DNAH6: variants seen among roughly 807,000 people sequenced by gnomAD.
The protein encoded by DNAH6 is axonemal beta dynein heavy chain 6.
DNAH6 carries 340 observed loss-of-function variants against 491.4 expected under a neutral mutation model. The ratio of observed to expected loss-of-function variants is 0.69; its 90% CI spans 0.63 to 0.76. The LOEUF is 0.76. DNAH6 is among the 30% of genes least tolerant of loss of function. DNAH6 has a pLI of 0.00. For synonymous variants in DNAH6, 1,603 were observed against 1,686.1 expected (o/e 0.95, Z 1.21); for missense variants, 4,443 against 4,972.2 (o/e 0.89, Z 3.20).
Position 84,653,884 on chromosome 2 carries a change from C to G in DNAH6, c.5634+10C>G. ...TCACATGCTTTTTGAGGTAAGTGTA[C>G]ACATTACTGTGGAGTGAAATCATTC... On this transcript the variant is annotated intron_variant, in intron 34 of 76. Transcript: ENST00000389394. The G allele has an allele frequency of 3.9e-6, 6 of 1,535,926 alleles. No individual in the cohort carries two copies. The highest frequency in any genetic ancestry group is 5.3e-6 in the Non-Finnish European group (6 of 1,138,194).
chr2:84,592,848 A>G (rs916501851), intron 16 of DNAH6, among the ~76,000 whole-genome samples: 1 of 152,214 alleles, frequency 6.6e-6, no homozygotes, highest in East Asian at 1.9e-4. Context: ...CAAATACTGC[A>G]TGATCTCATT....
In DNAH6 at chr2:84,794,310, A is replaced by C. The variant is rs1409042894; in HGVS notation, c.11240-1996A>C. ...AAACACCAAAAGCAATGGCAAGAAAAGCCAAAATTGACAAATGGGATCTAA... is the reference window on the plus strand; with the variant it reads ...AAACACCAAAAGCAATGGCAAGAAACGCCAAAATTGACAAATGGGATCTAA... On this transcript the variant is annotated intron_variant, in intron 68 of 76. Coordinates refer to ENST00000389394, the MANE Select transcript of DNAH6 (RefSeq NM_001370.2). Among the ~76,000 whole-genome samples, 13 of 152,178 alleles carry C rather than the reference A, an allele frequency of 8.5e-5. No homozygotes were observed. The East Asian group carries it at 2.5e-3, about 29-fold the overall frequency.
intron 3 of DNAH6, among the ~76,000 whole-genome samples, chr2:84,528,542 A>G (rs1408541636): frequency 6.6e-6 from 1 of 152,098 alleles, no homozygotes; most frequent in African/African-American, 2.4e-5. Context: ...GGTTGGGAGG[A>G]GAGGTCCCAG....
chr2:84,710,345 C>G lies in DNAH6; in HGVS notation c.9311C>G (p.Thr3104Arg), dbSNP rs1179517230. ...AGTGGTTTAAAGATCATTAAGCTTA[C>G]AGATAGTAATTTCTTACGAATACTC... is the stretch of plus-strand genomic sequence containing the variant. ...SKSGLKIIKL[T>R]DSNFLRILEN... The change falls in exon 56 of 77, where the codon ACA (threonine) becomes AGA (arginine). Residue 3104 changes from threonine (T) to arginine (R), a missense_variant. Thr to Arg is a moderately conservative substitution (Grantham distance 71, BLOSUM62 -1). This residue lies in a region of DNAH6 where 1,463 missense variants were observed against 1,656.6 expected (regional missense o/e 0.88). Transcript: ENST00000389394. The G allele has an allele frequency of 6.4e-6, 10 of 1,551,750 alleles. No individual in the cohort carries two copies. Among genetic ancestry groups the G allele is most frequent in the Non-Finnish European group, 5.2e-6 (6 of 1,146,986 alleles).
intron 14 of DNAH6, among the ~76,000 whole-genome samples, chr2:84,582,464 T>C (rs1204042988): frequency 3.3e-5 from 5 of 152,184 alleles, no homozygotes; most frequent in Admixed American, 2.6e-4. Context: ...TTTGTTTTTT[T>C]CCTTTGAGAC....
At position 84,808,139 on chromosome 2, in the gene DNAH6, G is replaced by A. The variant is rs960431348; in HGVS notation, c.11612-276G>A. Among the ~76,000 whole-genome samples the A allele has an allele frequency of 1.7e-3, 243 of 145,340 alleles. 7 individuals carry two copies. The South Asian group carries it at 0.036, about 22-fold the overall frequency. On this transcript the variant is annotated intron_variant, in intron 71 of 76. Transcript: ENST00000389394. ...AAAAAAAGTGTATATATATGTGTGT[G>A]TGTGTGTGTGTGTGTGTGTGTGTGT...
chr2:84,518,182 C>G (rs1282576223), intron 2 of DNAH6, 131 bp downstream of exon 2: 1 of 661,260 alleles, frequency 1.5e-6, no homozygotes, highest in Admixed American at 3.1e-5. Flanking sequence ...ATAATAACTG[C>G]TTATGTAGTT....
chr2:84,619,759 A>G lies in DNAH6; in HGVS notation c.3647A>G (p.His1216Arg), dbSNP rs367551290. The G allele has an allele frequency of 6.4e-7, 1 of 1,551,664 alleles. No homozygotes were observed. Among genetic ancestry groups the G allele is most frequent in the East Asian group, 2.4e-5 (1 of 40,918 alleles). Residue 1216 changes from histidine (H) to arginine (R), a missense_variant, in exon 24 of 77, where the codon CAC becomes CGC. Physicochemically the swap from His to Arg is conservative, Grantham distance 29. Around this residue, in one of 3 missense-constraint regions of DNAH6, gnomAD observed 2,977 missense variants for 3,296.6 expected, o/e 0.90. Coordinates refer to ENST00000389394, the MANE Select transcript of DNAH6 (RefSeq NM_001370.2). ...CGAAATCCACAGGCCGTGCAGCCAC[A>G]CTTAAGGAAATGCTTCGACTCCATT... is the stretch of plus-strand genomic sequence containing the variant. ...QTRNPQAVQPHLRKCFDSISK... is the reference protein window; with the variant it reads ...QTRNPQAVQPRLRKCFDSISK...
the DNAH6 span, among the ~76,000 whole-genome samples, chr2:84,463,602 C>A: frequency 1.6e-4 from 24 of 152,144 alleles, no homozygotes; most frequent in African/African-American, 5.8e-4. Context: ...CTTCCCCCTA[C>A]CCCACCCTTC....
intron 21 of DNAH6, among the ~76,000 whole-genome samples, chr2:84,608,141 C>T (rs1282104773): frequency 2.0e-5 from 3 of 152,300 alleles, no homozygotes; most frequent in Admixed American, 6.5e-5. Context: ...GAGATTGCAG[C>T]AATTCAGTCG....
intron 52 of DNAH6, among the ~76,000 whole-genome samples, chr2:84,706,524 T>C (rs1196528226): frequency 3.3e-5 from 5 of 152,228 alleles, no homozygotes; most frequent in Non-Finnish European, 5.9e-5. Flanking sequence ...CAGGCCATAG[T>C]GTGCCGACCT....
In DNAH6 at chr2:84,619,695, T is replaced by C. The variant is rs186487111; in HGVS notation, c.3583T>C (p.Leu1195=). 5.7e-5 allele frequency: 88 copies of C among 1,551,364 alleles called. No individual in the cohort carries two copies. The highest frequency in any genetic ancestry group is 1.7e-6 in the Non-Finnish European group (2 of 1,146,642). ...TGTTCTTTAATCCAGGTTTTACTTCTTGTCAAATGATGAACTTCTGGAGAT... is the reference window on the plus strand; with the variant it reads ...TGTTCTTTAATCCAGGTTTTACTTCCTGTCAAATGATGAACTTCTGGAGAT... ...KRVIFPRFYF[L]SNDELLEILA... Residue 1195 remains leucine, a synonymous_variant, in exon 24 of 77, where the codon TTG becomes CTG. Transcript: ENST00000389394.
the DNAH6 span, among the ~76,000 whole-genome samples, chr2:84,480,757 G>A: frequency 2.6e-5 from 4 of 152,298 alleles, no homozygotes; most frequent in Non-Finnish European, 4.4e-5. Context: ...TAGGTCAGGA[G>A]TTCAAGACCA....
Position 84,699,726 on chromosome 2 carries a change from T to G in DNAH6, c.7810T>G (p.Phe2604Val). 6.4e-7 allele frequency: 1 copy of G among 1,550,942 alleles called. No individual in the cohort carries two copies. The highest frequency in any genetic ancestry group is 2.0e-5 in the Admixed American group (1 of 50,864). The change falls in exon 48 of 77, where the codon TTT becomes GTT. Residue 2604 changes from phenylalanine (F) to valine (V), a missense_variant. Coordinates refer to ENST00000389394, the MANE Select transcript of DNAH6 (RefSeq NM_001370.2). ...SLVNCCTIDW[F>V]VQWPREALLS... ...TGTGAATTGCTGCACCATTGACTGG[T>G]TTGTGCAGGTTGGTGACATCCCAGG...
intron 66 of DNAH6, 51 bp from the exon 67 acceptor site, chr2:84,785,559 G>A: frequency 1.4e-6 from 2 of 1,449,076 alleles, no homozygotes; most frequent in Non-Finnish European, 1.8e-6. Flanking sequence ...CAGAAATAAT[G>A]CAAATCTATA....
chr2:84,568,277 T>C (rs531597323), intron 11 of DNAH6, among the ~76,000 whole-genome samples: 1 of 152,220 alleles, frequency 6.6e-6, no homozygotes, highest in African/African-American at 2.4e-5. Context: ...ATACACACAT[T>C]CATTGCAGGA....
intron 15 of DNAH6, among the ~76,000 whole-genome samples, chr2:84,586,311 C>T (rs79248457): frequency 7.6e-4 from 116 of 152,348 alleles, no homozygotes; most frequent in Middle Eastern, 3.4e-3. Context: ...GAGTGTGCCA[C>T]TGGCTCCATG....
Position 84,654,792 on chromosome 2 carries a change from A to G in DNAH6, c.5757+10A>G. ...GGGTATTTCTAAAAAAGTAAGTGCC[A>G]TCAGATATTCCCCAATATCTCCATC... On this transcript the variant is annotated intron_variant, in intron 35 of 76. Coordinates refer to ENST00000389394, the MANE Select transcript of DNAH6 (RefSeq NM_001370.2). 6.5e-7 allele frequency: 1 copy of G among 1,550,338 alleles called. No individual in the cohort carries two copies. The highest frequency in any genetic ancestry group is 8.7e-7 in the Non-Finnish European group (1 of 1,145,784).
rs527238264 is a variant in DNAH6, at chr2:84,609,050, A to G, written c.3294+1955A>G. ...CACGAATCAACCTCTGCTACCTTCA[A>G]ACTTTACTTCCACAGCTTCCTCACC... On this transcript the variant is annotated intron_variant, in intron 21 of 76. Coordinates refer to ENST00000389394, the MANE Select transcript of DNAH6 (RefSeq NM_001370.2). 3.3e-5 allele frequency among the ~76,000 whole-genome samples: 5 copies of G among 152,274 alleles called. No individual in the cohort carries two copies. The South Asian group carries it at 1.0e-3, about 32-fold the overall frequency.
Sources: gnomAD v4.1 joint callset for allele counts (sites outside exome capture counted in the v4.1 genomes callset) on GRCh38, gnomAD v4.1.1 for gene constraint, gnomAD v4.1.1 regional missense constraint, MANE v1.5 for transcripts, NCBI Gene and HGNC (gene_info 2026-07-23, HGNC 2026-07-21) for gene names.